Variants in BFSP1 observed in about 807,000 individuals in gnomAD.
BFSP1 encodes the protein beaded filament structural protein 1.
In BFSP1, 38 loss-of-function variants were observed where a neutral mutation model predicts 43.9. The ratio of observed to expected loss-of-function variants is 0.87; its 90% CI spans 0.67 to 1.14. The LOEUF is 1.14. Among genes scored for constraint, BFSP1 ranks in the 50% most tolerant of loss-of-function variants. The pLI is 0.00. For missense variants in BFSP1, 850 were observed against 875.1 expected (o/e 0.97, Z 0.36); for synonymous variants, 352 against 354.8 (o/e 0.99, Z 0.09).
intron 1 of BFSP1, among the ~76,000 whole-genome samples, chr20:17,538,223 G>C (rs941746560): frequency 6.6e-6 from 1 of 151,906 alleles, no homozygotes; most frequent in African/African-American, 2.4e-5. Context: ...ATAGGAAACT[G>C]GTTTGGGGAT....
At chr20:17,539,105 C>CTTCTTTTTTTTTTTT (rs34002192) in intron 1 of BFSP1, among the ~76,000 whole-genome samples, 9 of 63,556 alleles carry the variant, frequency 1.4e-4, no homozygotes, top group East Asian at 5.1e-4. Context: ...ATTTCTTCTT[C>CTTCTTTTTTTTTTTT]TTTTTTTTTT....
At chr20:17,520,862 T>C (rs1322044986) in intron 2 of BFSP1, among the ~76,000 whole-genome samples, 1 of 152,232 alleles carries the variant, frequency 6.6e-6, no homozygotes, top group Admixed American at 6.5e-5. Flanking sequence ...CTAAACTCCC[T>C]GGCCTCTTGC....
At chr20:17,566,337 T>C (rs35786923) in intron 1 of BFSP1, among the ~76,000 whole-genome samples, 15,227 of 152,176 alleles carry the variant, frequency 0.1, 875 homozygotes, top group African/African-American at 0.14. Context: ...CTGCCGCTTA[T>C]ATTAATGGTT....
At chr20:17,545,152 C>A (rs1312196600) in intron 1 of BFSP1, among the ~76,000 whole-genome samples, 1 of 152,168 alleles carries the variant, frequency 6.6e-6, no homozygotes, top group Non-Finnish European at 1.5e-5. Flanking sequence ...AGGGAGGTAG[C>A]ACAAGAGAAA....
At chr20:17,553,365 T>C (rs1307585472) in intron 1 of BFSP1, among the ~76,000 whole-genome samples, 2 of 151,968 alleles carry the variant, frequency 1.3e-5, no homozygotes, top group Non-Finnish European at 2.9e-5. Context: ...TGGAATAAAA[T>C]TCACAGGGTA....
At chr20:17,541,193 C>G (rs978214123) in intron 1 of BFSP1, 4 of 915,088 alleles carry the variant, frequency 4.4e-6, no homozygotes, top group Non-Finnish European at 5.2e-6. Flanking sequence ...ATAGTGAGAC[C>G]CTGTCTCTAA....
At chr20:17,502,602 C>T (rs1311733664) in intron 5 of BFSP1, among the ~76,000 whole-genome samples, 3 of 152,120 alleles carry the variant, frequency 2.0e-5, no homozygotes, top group Non-Finnish European at 4.4e-5. Context: ...TTTTTATCAT[C>T]GGCCCGTGGT....
At chr20:17,540,474 C>T (rs971223440) in intron 1 of BFSP1, among the ~76,000 whole-genome samples, 1 of 152,152 alleles carries the variant, frequency 6.6e-6, no homozygotes. Flanking sequence ...TACACACCCA[C>T]GCCCCCATAC....
upstream of BFSP1, among the ~76,000 whole-genome samples, chr20:17,532,592 A>G (rs1600669027): frequency 6.6e-6 from 1 of 152,008 alleles, no homozygotes; most frequent in Non-Finnish European, 1.5e-5. Flanking sequence ...TTCGAGAATA[A>G]TAAAGGATTT....
chr20:17,516,936 G>GA, intron 2 of BFSP1: 1 of 730,066 alleles, frequency 1.4e-6, no homozygotes, highest in Non-Finnish European at 2.5e-6. Context: ...CAAGACCCAG[G>GA]ATAAGGAAAG....
In BFSP1 at chr20:17,531,300, G is replaced by C; in HGVS notation, c.30C>G (p.Thr10=). The part of the protein sequence containing the change: MYRRSYVFQ[T]RKEQYEHADE... Reference sequence around the variant, plus strand: ...CGGCGTGCTCGTACTGCTCCTTGCGGGTCTGGAAGACGTAGCTGCGCCGGT... The same window carrying C: ...CGGCGTGCTCGTACTGCTCCTTGCGCGTCTGGAAGACGTAGCTGCGCCGGT... The change falls in exon 1 of 8, where the codon ACC becomes ACG. Residue 10 remains threonine, a synonymous_variant. Transcript: ENST00000377873. 6.8e-7 allele frequency: 1 copy of C among 1,472,588 alleles called. No homozygotes were observed. Among genetic ancestry groups the C allele is most frequent in the Non-Finnish European group, 8.9e-7 (1 of 1,118,576 alleles). The allele number at this position is 1,472,588 out of a possible 1,614,324, so 91.2% of individuals were successfully genotyped here.
chr20:17,561,915 CT>C (rs898530572), upstream of BFSP1, among the ~76,000 whole-genome samples: 1 of 151,800 alleles, frequency 6.6e-6, no homozygotes, highest in East Asian at 2.0e-4. Context: ...AGGTTTTATA[CT>C]TTTTTTTAAT....
In BFSP1 at chr20:17,494,502, C is replaced by G. The variant is rs1436424662; in HGVS notation, c.1570G>C (p.Gly524Arg). 6.2e-7 allele frequency: 1 copy of G among 1,614,200 alleles called. No individual in the cohort carries two copies. Among genetic ancestry groups the G allele is most frequent in the Admixed American group, 1.7e-5 (1 of 60,014 alleles). Residue 524 changes from glycine (G) to arginine (R), a missense_variant, in exon 8 of 8, where the codon GGG becomes CGG. Physicochemically the swap from Gly to Arg is moderately radical, Grantham distance 125. Coordinates refer to ENST00000377873, the MANE Select transcript of BFSP1 (RefSeq NM_001195.5). ...PESPKPPLEN[G>R]QVGLQEKEDG... ...TCTTTCTCCTGCAGACCCACCTGCC[C>G]ATTCTCTAAAGGGGGCTTGGGTGAC...
At chr20:17,519,436 C>A (rs142007885) in intron 2 of BFSP1, among the ~76,000 whole-genome samples, 3 of 152,316 alleles carry the variant, frequency 2.0e-5, no homozygotes, top group Non-Finnish European at 4.4e-5. Context: ...CCAAATGCAC[C>A]TTGAAGTCCA....
At chr20:17,544,366 C>T (rs1030745506) in intron 1 of BFSP1, among the ~76,000 whole-genome samples, 8 of 152,170 alleles carry the variant, frequency 5.3e-5, no homozygotes, top group Non-Finnish European at 1.2e-4. Flanking sequence ...CAGAAAGTGG[C>T]AGATGGTTTA....
At chr20:17,523,442 G>C (rs947201811) in intron 2 of BFSP1, among the ~76,000 whole-genome samples, 1 of 151,988 alleles carries the variant, frequency 6.6e-6, no homozygotes, top group African/African-American at 2.4e-5. Context: ...TGTTCTGGCA[G>C]TCTGAGGTTG....
rs762543558 is a variant in BFSP1 at position 17,494,212 on chromosome 20, C to G, written c.1860G>C (p.Lys620Asn). Residue 620 changes from lysine (K) to asparagine (N), a missense_variant, in exon 8 of 8, where the codon AAG becomes AAC. Transcript: ENST00000377873. ...CGATAGATTCCACCACTTCCACTGTCTTATAGGCCAAAGCCTTGGGAGGGC... is the reference window on the plus strand; with the variant it reads ...CGATAGATTCCACCACTTCCACTGTGTTATAGGCCAAAGCCTTGGGAGGGC... The part of the protein sequence containing the change: ...EKGPPKALAY[K>N]TVEVVESIEK... 6 of 1,614,182 alleles carry G rather than the reference C, an allele frequency of 3.7e-6. No homozygotes were observed. Among genetic ancestry groups the G allele is most frequent in the Non-Finnish European group, 5.1e-6 (6 of 1,180,038 alleles).
At chr20:17,514,572 A>T in intron 3 of BFSP1, 149 bp downstream of exon 3, 1 of 730,882 alleles carries the variant, frequency 1.4e-6, no homozygotes. Flanking sequence ...AGCACTGTCC[A>T]GTGACCAATT....
At chr20:17,551,990 A>C (rs1056361797) in intron 1 of BFSP1, among the ~76,000 whole-genome samples, 2 of 152,218 alleles carry the variant, frequency 1.3e-5, no homozygotes, top group Non-Finnish European at 2.9e-5. Context: ...TCTCTCAAAA[A>C]GAAAAAAAAA....
Sources: allele counts gnomAD v4.1 joint callset (sites outside exome capture counted in the v4.1 genomes callset), GRCh38; gene constraint gnomAD v4.1.1; transcripts MANE v1.5; gene names NCBI Gene and HGNC (gene_info 2026-07-23, HGNC 2026-07-21).